Variants in SUMF1 observed in about 807,000 individuals in gnomAD.
SUMF1 encodes sulfatase modifying factor 1.
SUMF1 carries 48 observed loss-of-function variants against 47.6 expected under a neutral mutation model. That is an observed-to-expected ratio of 1.01 (90% CI 0.80 to 1.28). The LOEUF is 1.28. Ranked by LOEUF, SUMF1 falls within the 50% of genes most tolerant of loss-of-function variation. The pLI is 0.00. For synonymous variants in SUMF1, 230 were observed against 192.1 expected (o/e 1.20, Z -1.63); for missense variants, 571 against 485.4 (o/e 1.18, Z -1.66).
chr3:4,221,676 G>A (rs1574992661), intron 8 of SUMF1, among the ~76,000 whole-genome samples: 1 of 152,086 alleles, frequency 6.6e-6, no homozygotes, highest in East Asian at 1.9e-4. Flanking sequence ...ACTGTGCAAG[G>A]AAATCAGAAT....
chr3:4,166,482 A>T (rs369811637), intron 8 of SUMF1, among the ~76,000 whole-genome samples: 1 of 152,174 alleles, frequency 6.6e-6, no homozygotes, highest in Non-Finnish European at 1.5e-5. Flanking sequence ...GGCAAAAATT[A>T]TATCTTTCTA....
At chr3:4,085,418 G>T (rs1574869108) in intron 8 of SUMF1, among the ~76,000 whole-genome samples, 1 of 152,056 alleles carries the variant, frequency 6.6e-6, no homozygotes, top group African/African-American at 2.4e-5. Flanking sequence ...GCTTCCACCA[G>T]TGATGATCTT....
At chr3:4,048,009 T>A (rs1695036141) in intron 9 of SUMF1, among the ~76,000 whole-genome samples, 1 of 152,106 alleles carries the variant, frequency 6.6e-6, no homozygotes, top group Non-Finnish European at 1.5e-5. Flanking sequence ...AGAGGCACCT[T>A]CCCCAAGGTC....
chr3:4,368,628 A>G (rs193083732), intron 8 of SUMF1, among the ~76,000 whole-genome samples: 1 of 152,316 alleles, frequency 6.6e-6, no homozygotes, highest in East Asian at 1.9e-4. Flanking sequence ...AAAATGTGGC[A>G]CATATACACC....
chr3:4,244,418 C>G (rs7613161), intron 8 of SUMF1, among the ~76,000 whole-genome samples: 61,468 of 152,024 alleles, frequency 0.4, 12,870 homozygotes, highest in Non-Finnish European at 0.46. Context: ...CCCATGTTTA[C>G]TGCATCCTTC....
At chr3:4,064,829 A>T (rs905480042) in intron 9 of SUMF1, among the ~76,000 whole-genome samples, 11 of 152,188 alleles carry the variant, frequency 7.2e-5, no homozygotes, top group Admixed American at 2.0e-4. Flanking sequence ...CCATATTTTA[A>T]TGAACAAGTG....
At chr3:4,310,654 A>G (rs1437277709) in intron 8 of SUMF1, among the ~76,000 whole-genome samples, 1 of 152,244 alleles carries the variant, frequency 6.6e-6, no homozygotes, top group East Asian at 1.9e-4. Context: ...TTTAAAAAAT[A>G]TATCATGAGA....
At chr3:4,356,908 T>C (rs2125165302), downstream of SUMF1, among the ~76,000 whole-genome samples, 1 of 152,332 alleles carries the variant, frequency 6.6e-6, no homozygotes, top group Non-Finnish European at 1.5e-5. Flanking sequence ...TGTTCACACG[T>C]CTTGCCTGGC....
intron 8 of SUMF1, chr3:4,316,497 C>G (rs746274688): frequency 1.2e-6 from 2 of 1,600,050 alleles, no homozygotes; most frequent in Non-Finnish European, 1.7e-6. Flanking sequence ...TGCTGAAGAA[C>G]TCAATGTCAA....
intron 3 of SUMF1, among the ~76,000 whole-genome samples, chr3:4,427,985 CTTA>C (rs1304901981): frequency 6.6e-6 from 1 of 152,042 alleles, no homozygotes; most frequent in East Asian, 1.9e-4. Context: ...AGAAATATTT[CTTA>C]TTATTTAAAA....
At chr3:4,231,047 G>A (rs1394490876) in intron 8 of SUMF1, among the ~76,000 whole-genome samples, 3 of 152,076 alleles carry the variant, frequency 2.0e-5, no homozygotes, top group Admixed American at 2.0e-4. Flanking sequence ...AGAAAGATCT[G>A]CCCATTTCTA....
Position 4,452,877 on chromosome 3 carries a change from T to G in SUMF1, c.443A>C (p.Glu148Ala). ...KFVNSTGYLT[E>A]AEKFGDSFVF... ...CCCTCCTTTCCCCAATCCCATTACC[T>G]CTGTCAAATAGCCAGTTGAGTTCAC... is the stretch of plus-strand genomic sequence containing the variant. The change falls in exon 2 of 9, where the codon GAG becomes GCG. Residue 148 changes from glutamate to alanine, a missense_variant and splice_region_variant. Transcript: ENST00000272902. 1 of 1,614,162 alleles carries G rather than the reference T, an allele frequency of 6.2e-7. No homozygotes were observed. The highest frequency in any genetic ancestry group is 8.5e-7 in the Non-Finnish European group (1 of 1,180,024).
intron 7 of SUMF1, among the ~76,000 whole-genome samples, chr3:4,389,753 C>T (rs915574062): frequency 4.6e-5 from 7 of 152,222 alleles, no homozygotes; most frequent in African/African-American, 1.7e-4. Context: ...TGCTGTTGAG[C>T]CCATACACTG....
chr3:4,245,908 C>T (rs1039774099), intron 8 of SUMF1, among the ~76,000 whole-genome samples: 1 of 152,186 alleles, frequency 6.6e-6, no homozygotes, highest in African/African-American at 2.4e-5. Context: ...CCAGTTCGAG[C>T]TTCCCTGCCA....
At chr3:4,253,704 C>T (rs1696866790) in intron 8 of SUMF1, among the ~76,000 whole-genome samples, 1 of 149,354 alleles carries the variant, frequency 6.7e-6, no homozygotes, top group African/African-American at 2.5e-5. Flanking sequence ...CGCCATTGGC[C>T]AGGCTTGATT....
intron 8 of SUMF1, among the ~76,000 whole-genome samples, chr3:4,134,761 T>C (rs907661913): frequency 1.3e-5 from 2 of 152,042 alleles, no homozygotes; most frequent in Non-Finnish European, 2.9e-5. Context: ...AAGAATCAAA[T>C]AGTGGCAATA....
At chr3:4,144,158 G>GAAAACTATCT (rs1694141141) in intron 8 of SUMF1, among the ~76,000 whole-genome samples, 1 of 151,686 alleles carries the variant, frequency 6.6e-6, no homozygotes, top group Non-Finnish European at 1.5e-5. Context: ...GTAGAGACGG[G>GAAAACTATCT]GTCTTACCAC....
At chr3:4,114,868 C>T (rs1165349030) in intron 8 of SUMF1, among the ~76,000 whole-genome samples, 1 of 152,092 alleles carries the variant, frequency 6.6e-6, no homozygotes, top group Non-Finnish European at 1.5e-5. Context: ...AATATGTAGC[C>T]TTTATTTCTG....
intron 8 of SUMF1, among the ~76,000 whole-genome samples, chr3:4,114,467 A>AT (rs1392168934): frequency 6.6e-6 from 1 of 152,174 alleles, no homozygotes; most frequent in Non-Finnish European, 1.5e-5. Context: ...TGTTCATATG[A>AT]TTTTTAGAAT....
Sources: allele counts gnomAD v4.1 joint callset (sites outside exome capture counted in the v4.1 genomes callset), GRCh38; gene constraint gnomAD v4.1.1; transcripts MANE v1.5; gene names NCBI Gene and HGNC (gene_info 2026-07-23, HGNC 2026-07-21).